Variants in SLC36A1 observed in about 807,000 individuals in gnomAD.
SLC36A1 encodes solute carrier family 36 member 1, also known as proton-coupled amino acid transporter 1.
Under a neutral mutation model 47.5 loss-of-function variants are expected in SLC36A1, and 30 were observed. The observed-to-expected ratio is 0.63, with a 90% CI of 0.47 to 0.86. The LOEUF (loss-of-function observed/expected upper bound fraction) is 0.86. Ranked by LOEUF, SLC36A1 falls within the 40% of genes least tolerant of loss-of-function variation. The probability of loss-of-function intolerance (pLI) is 0.00; values close to 1 mark genes in which losing one functional copy is unlikely to be tolerated. For missense variants in SLC36A1, 517 were observed against 606.0 expected, an observed-to-expected ratio of 0.85 and a Z score of 1.54; for synonymous variants, 255 against 249.7, an observed-to-expected ratio of 1.02 and a Z score of -0.20.
chr5:151,349,332 G>T, the SLC36A1 span, among the ~76,000 whole-genome samples: 1 of 152,060 alleles, frequency 6.6e-6, no homozygotes, highest in African/African-American at 2.4e-5. Context: ...AGCTTGTAGG[G>T]TGGGGCTCCA....
chr5:151,469,416 C>T, intron 7 of SLC36A1: 2 of 561,498 alleles, frequency 3.6e-6, no homozygotes, highest in Non-Finnish European at 6.4e-6. Context: ...CCTGGCTCTA[C>T]CTTGTTGTTG....
At chr5:151,429,551 A>G in the SLC36A1 span, among the ~76,000 whole-genome samples, 1 of 151,986 alleles carries the variant, frequency 6.6e-6, no homozygotes, top group South Asian at 2.1e-4. Flanking sequence ...ATGGCTGCAT[A>G]GTATTCCATG....
chr5:151,472,440 G>A (rs57309765), intron 7 of SLC36A1, among the ~76,000 whole-genome samples: 27,927 of 152,184 alleles, frequency 0.18, 2,695 homozygotes, highest in South Asian at 0.36. Flanking sequence ...ACAAACACAC[G>A]CAGGAACAAT....
chr5:151,367,128 A>G, the SLC36A1 span, among the ~76,000 whole-genome samples: 1 of 152,318 alleles, frequency 6.6e-6, no homozygotes, highest in East Asian at 1.9e-4. Context: ...AACCACTGAT[A>G]AGGGTCTGTG....
At chr5:151,349,936 G>C in the SLC36A1 span, among the ~76,000 whole-genome samples, 1 of 152,184 alleles carries the variant, frequency 6.6e-6, no homozygotes, top group African/African-American at 2.4e-5. Context: ...CTGTTCTATG[G>C]AGTGGGAATA....
At chr5:151,429,688 G>A in the SLC36A1 span, among the ~76,000 whole-genome samples, 1 of 152,074 alleles carries the variant, frequency 6.6e-6, no homozygotes, top group African/African-American at 2.4e-5. Context: ...GCAAAACTGG[G>A]ACTGGAATCT....
intron 10 of SLC36A1, among the ~76,000 whole-genome samples, chr5:151,486,901 A>G (rs181146385): frequency 7.9e-5 from 12 of 152,370 alleles, no homozygotes; most frequent in Non-Finnish European, 1.0e-4. Context: ...TGATGATAAC[A>G]TTAACAGGTA....
chr5:151,357,733 A>G, the SLC36A1 span, among the ~76,000 whole-genome samples: 4 of 152,266 alleles, frequency 2.6e-5, no homozygotes, highest in African/African-American at 9.6e-5. Context: ...CTGGCTCTGT[A>G]TAGAAAAAGC....
chr5:151,399,069 T>C, the SLC36A1 span, among the ~76,000 whole-genome samples: 1 of 73,354 alleles, frequency 1.4e-5, no homozygotes, highest in East Asian at 3.7e-4. Context: ...TGTGTAAATA[T>C]ATATATATAT....
chr5:151,346,615 C>T, the SLC36A1 span, among the ~76,000 whole-genome samples: 1 of 152,154 alleles, frequency 6.6e-6, no homozygotes, highest in African/African-American at 2.4e-5. Flanking sequence ...TACCACACCC[C>T]ACACCTTTTG....
the SLC36A1 span, among the ~76,000 whole-genome samples, chr5:151,428,037 C>T: frequency 6.6e-6 from 1 of 152,262 alleles, no homozygotes; most frequent in East Asian, 1.9e-4. Context: ...GACCCCGGTC[C>T]CCCAGGGACT....
the SLC36A1 span, among the ~76,000 whole-genome samples, chr5:151,539,016 G>A: frequency 3.3e-5 from 5 of 151,976 alleles, no homozygotes; most frequent in South Asian, 8.3e-4. Context: ...TCTTTTTTCT[G>A]TTCTAGTGAT....
chr5:151,505,443 C>T, the SLC36A1 span: 2 of 1,206,474 alleles, frequency 1.7e-6, no homozygotes, highest in Admixed American at 5.1e-5. Context: ...GGGACAACAG[C>T]CTGGGCTGAG....
the SLC36A1 span, among the ~76,000 whole-genome samples, chr5:151,424,157 C>A: frequency 6.6e-6 from 1 of 152,304 alleles, no homozygotes; most frequent in East Asian, 1.9e-4. Context: ...GAAACAGCCT[C>A]TCATTGCCTG....
At chr5:151,462,363 A>ATT (rs139075390) in intron 2 of SLC36A1, among the ~76,000 whole-genome samples, 1,556 of 148,178 alleles carry the variant, frequency 0.011, 26 homozygotes, top group African/African-American at 0.036. Context: ...TCACCAATGG[A>ATT]TTTTTTTTTT....
chr5:151,506,847 G>A, the SLC36A1 span, among the ~76,000 whole-genome samples: 38 of 152,280 alleles, frequency 2.5e-4, no homozygotes, highest in South Asian at 7.1e-3. Context: ...AAGCACAAAT[G>A]TGCAGAAGCC....
At chr5:151,370,764 G>A in the SLC36A1 span, among the ~76,000 whole-genome samples, 12 of 152,198 alleles carry the variant, frequency 7.9e-5, no homozygotes, top group East Asian at 1.9e-4. Flanking sequence ...AAGCTGAGGC[G>A]GGCGGATCTG....
intron 2 of SLC36A1, among the ~76,000 whole-genome samples, chr5:151,459,619 C>T (rs1755209878): frequency 6.6e-6 from 1 of 152,168 alleles, no homozygotes; most frequent in Admixed American, 6.5e-5. Context: ...AGTTAGTTTC[C>T]CAGCTACTCC....
At chr5:151,547,634 G>A in the SLC36A1 span, among the ~76,000 whole-genome samples, 4 of 152,142 alleles carry the variant, frequency 2.6e-5, no homozygotes, top group African/African-American at 4.8e-5. Context: ...TCATATAACC[G>A]CTAAATTCAG....
Sources: allele counts gnomAD v4.1 joint callset (sites outside exome capture counted in the v4.1 genomes callset), GRCh38; gene constraint gnomAD v4.1.1; transcripts MANE v1.5; gene names NCBI Gene and HGNC (gene_info 2026-07-23, HGNC 2026-07-21).